Variants in LVRN observed in about 807,000 individuals in gnomAD.
The protein encoded by LVRN is aminopeptidase Q.
A neutral mutation model predicts 111.4 loss-of-function variants in LVRN; 99 were observed. The ratio of observed to expected loss-of-function variants is 0.89; its 90% CI spans 0.76 to 1.05. The LOEUF (loss-of-function observed/expected upper bound fraction) is 1.05, where lower values mean the gene tolerates loss of function less well. LVRN is among the 50% of genes least tolerant of loss of function. The probability of loss-of-function intolerance (pLI) is 0.00; values close to 1 mark genes in which losing one functional copy is unlikely to be tolerated. For missense variants in LVRN, 1,414 were observed against 1,206.8 expected (o/e 1.17, Z -2.54); for synonymous variants, 488 against 449.5 (o/e 1.09, Z -1.08).
chr5:115,985,799 C>A (rs1747845975), intron 3 of LVRN, among the ~76,000 whole-genome samples: 1 of 152,196 alleles, frequency 6.6e-6, no homozygotes, highest in African/African-American at 2.4e-5. Context: ...GCTGGCAGTG[C>A]TTTATATGCT....
At chr5:115,988,425 CAT>C (rs149681024) in intron 4 of LVRN, among the ~76,000 whole-genome samples, 5,093 of 151,872 alleles carry the variant, frequency 0.034, 142 homozygotes, top group Middle Eastern at 0.061. Context: ...AAATTGGAAT[CAT>C]ATGTGAATAT....
chr5:116,006,122 A>G (rs1748369354), intron 13 of LVRN, among the ~76,000 whole-genome samples, 155 bp downstream of exon 13: 1 of 152,194 alleles, frequency 6.6e-6, no homozygotes, highest in Admixed American at 6.5e-5. Context: ...GAATTTTATA[A>G]TATAATGAGT....
intron 15 of LVRN, among the ~76,000 whole-genome samples, chr5:116,013,677 A>T (rs1232547787): frequency 6.6e-6 from 1 of 152,066 alleles, no homozygotes; most frequent in Non-Finnish European, 1.5e-5. Flanking sequence ...AAACTGGAGG[A>T]CGGAGTAACA....
chr5:116,026,438 G>A lies in LVRN; in HGVS notation c.*320G>A, dbSNP rs1748868935. On this transcript the variant is annotated 3_prime_UTR_variant, in exon 20 of 20. Transcript: ENST00000357872. Reference sequence around the variant, plus strand: ...CTTGCTTATTTTGTTGCGAAGGCCAGTGGAATATAAAAATCAATGGCATTA... The same window carrying A: ...CTTGCTTATTTTGTTGCGAAGGCCAATGGAATATAAAAATCAATGGCATTA... 1 of 350,676 alleles carries A rather than the reference G, an allele frequency of 2.9e-6. No homozygotes were observed. The highest frequency in any genetic ancestry group is 5.4e-6 in the Non-Finnish European group (1 of 186,802). The allele number at this position is 350,676 out of a possible 1,614,324, so 21.7% of individuals were successfully genotyped here.
intron 3 of LVRN, among the ~76,000 whole-genome samples, chr5:115,987,059 C>G (rs1747886155): frequency 6.6e-6 from 1 of 151,622 alleles, no homozygotes; most frequent in Non-Finnish European, 1.5e-5. Context: ...GTTTACAATA[C>G]TTTCAATTTA....
chr5:116,002,723 T>G lies in LVRN; in HGVS notation c.1821-112T>G, dbSNP rs1258822391. The G allele has an allele frequency of 8.0e-6, 6 of 747,454 alleles. No individual in the cohort carries two copies. In the African/African-American group the frequency reaches 1.1e-4, roughly 14 times the overall value. The allele number at this position is 747,454 out of a possible 1,614,324, so 46.3% of individuals were successfully genotyped here. ...CAAAGGCCTGCATATCTAGAGAGAATGACCAAAGAAACTGAGTTCTGTGTG... is the reference window on the plus strand; with the variant it reads ...CAAAGGCCTGCATATCTAGAGAGAAGGACCAAAGAAACTGAGTTCTGTGTG... On this transcript the variant is annotated intron_variant, in intron 10 of 19. Transcript: ENST00000357872.
At chr5:116,022,254 T>C in intron 18 of LVRN, 137 bp from the exon 19 acceptor site, 1 of 632,566 alleles carries the variant, frequency 1.6e-6, no homozygotes, top group East Asian at 2.9e-5. Context: ...GCTAAACTAG[T>C]TCATACATGT....
intron 1 of LVRN, among the ~76,000 whole-genome samples, chr5:115,967,751 A>C (rs1252818435): frequency 1.3e-5 from 2 of 152,220 alleles, no homozygotes; most frequent in South Asian, 4.1e-4. Flanking sequence ...CCATTTATTT[A>C]GATCTTTGAT....
At chr5:115,989,772 C>T (rs373702951) in intron 4 of LVRN, among the ~76,000 whole-genome samples, 3 of 152,226 alleles carry the variant, frequency 2.0e-5, no homozygotes, top group South Asian at 2.1e-4. Flanking sequence ...ACCCTATGAG[C>T]GCCCATAGGA....
At chr5:115,987,768 A>G in intron 3 of LVRN, 45 bp from the exon 4 acceptor site, 1 of 1,582,224 alleles carries the variant, frequency 6.3e-7, no homozygotes, top group Middle Eastern at 1.7e-4. Context: ...TCTTTCCAAA[A>G]TCACTACTGG....
chr5:115,975,083 A>G (rs1351596928), intron 1 of LVRN: 3 of 338,034 alleles, frequency 8.9e-6, no homozygotes, highest in Non-Finnish European at 1.7e-5. Context: ...CTTAATGGCA[A>G]CCAGATCCAG....
At chr5:115,991,066 T>C (rs79352324) in intron 4 of LVRN, among the ~76,000 whole-genome samples, 1,880 of 152,250 alleles carry the variant, frequency 0.012, 89 homozygotes, top group Admixed American at 0.075. Context: ...CCTCCCTAGT[T>C]TATCTTAGGG....
intron 6 of LVRN, among the ~76,000 whole-genome samples, chr5:115,998,012 T>C (rs567347496): frequency 6.6e-6 from 1 of 152,258 alleles, no homozygotes; most frequent in East Asian, 1.9e-4. Flanking sequence ...TCTGTTCTGA[T>C]AGGGTTAGGG....
At chr5:116,013,900 T>C (rs1748542761) in intron 15 of LVRN, among the ~76,000 whole-genome samples, 1 of 152,162 alleles carries the variant, frequency 6.6e-6, no homozygotes, top group South Asian at 2.1e-4. Context: ...CCTTTATTCT[T>C]TTCCTGAACA....
intron 6 of LVRN, among the ~76,000 whole-genome samples, chr5:115,998,959 G>A (rs750146775): frequency 3.9e-5 from 6 of 152,150 alleles, no homozygotes; most frequent in Non-Finnish European, 8.8e-5. Flanking sequence ...AAAATCTGAC[G>A]CTGTCAAAGG....
At chr5:116,000,296 C>A in intron 7 of LVRN, 137 bp from the exon 8 acceptor site, 1 of 1,234,398 alleles carries the variant, frequency 8.1e-7, no homozygotes, top group African/African-American at 1.5e-5. Flanking sequence ...TAGCACATTC[C>A]AAAATAATTC....
In LVRN at chr5:116,026,052, G is replaced by A. The variant is rs1453465486; in HGVS notation, c.2907G>A (p.Lys969=). 14 of 1,613,756 alleles carry A rather than the reference G, an allele frequency of 8.7e-6. No individual in the cohort carries two copies. The highest frequency in any genetic ancestry group is 1.1e-5 in the Non-Finnish European group (13 of 1,179,868). Residue 969 remains lysine (K), a synonymous_variant, in exon 20 of 20, where the codon AAG becomes AAA. Transcript: ENST00000357872. ...TTCATGCCAACTTACAGACAATAAA[G>A]AATGAAAATCTGAAAAACAAGAAGC... is the stretch of plus-strand genomic sequence containing the variant. ...IRVHANLQTI[K]NENLKNKKLS...
chr5:115,978,466 G>A (rs762610227), intron 1 of LVRN, among the ~76,000 whole-genome samples: 2 of 152,064 alleles, frequency 1.3e-5, no homozygotes, highest in Non-Finnish European at 2.9e-5. Flanking sequence ...TTAGTCTGTG[G>A]GGTAACTTTT....
At position 115,962,981 on chromosome 5, in the gene LVRN, G is replaced by A; in HGVS notation, c.364G>A (p.Ala122Thr). 1 of 1,613,482 alleles carries A rather than the reference G, an allele frequency of 6.2e-7. No homozygotes were observed. Among genetic ancestry groups the A allele is most frequent in the Non-Finnish European group, 8.5e-7 (1 of 1,179,890 alleles). ...GCAGCTGAGGCCCGACGAGCTTCCG[G>A]CCGGGTCTTTGCCCTTCACTGGCCG... ...WPQLRPDELP[A>T]GSLPFTGRVN... The change falls in exon 1 of 20, where the codon GCC becomes ACC. Residue 122 changes from alanine (A) to threonine (T), a missense_variant. Coordinates refer to ENST00000357872, the MANE Select transcript of LVRN (RefSeq NM_173800.5).
Sources: allele counts gnomAD v4.1 joint callset (sites outside exome capture counted in the v4.1 genomes callset), GRCh38; gene constraint gnomAD v4.1.1; transcripts MANE v1.5; gene names NCBI Gene and HGNC (gene_info 2026-07-23, HGNC 2026-07-21).